KAZN: variants seen among roughly 807,000 people sequenced by gnomAD.
KAZN encodes kazrin.
In KAZN, 40 loss-of-function variants were observed where a neutral mutation model predicts 87.4. The ratio of observed to expected loss-of-function variants is 0.46; its 90% confidence interval spans 0.36 to 0.60. KAZN has a LOEUF of 0.60. KAZN is among the 20% of genes least tolerant of loss of function. The pLI is 0.00. For missense variants in KAZN, 898 were observed against 1,073.9 expected (o/e 0.84, Z 2.29); for synonymous variants, 466 against 458.3 (o/e 1.02, Z -0.22).
chr1:13,984,561 A>G (rs4661462), intron 1 of KAZN, among the ~76,000 whole-genome samples: 137,901 of 152,278 alleles, frequency 0.91, 62,753 homozygotes, highest in African/African-American at 0.96. Context: ...AACCTTGTAA[A>G]GGTGGTCATC....
At chr1:15,009,146 T>G (rs570965931) in intron 2 of KAZN, among the ~76,000 whole-genome samples, 1 of 152,284 alleles carries the variant, frequency 6.6e-6, no homozygotes, top group South Asian at 2.1e-4. Context: ...GGCAGCCTAC[T>G]GCCCGGGCAC....
chr1:14,952,240 C>CTGTGTGTGTGTGTGTGTG (rs56104480), intron 1 of KAZN, among the ~76,000 whole-genome samples: 33 of 144,012 alleles, frequency 2.3e-4, no homozygotes, highest in African/African-American at 8.7e-4. Flanking sequence ...TTCTTTCCCA[C>CTGTGTGTGTGTGTGTGTG]TGTGTGTGTG....
chr1:14,627,464 G>A (rs986559018), intron 1 of KAZN, among the ~76,000 whole-genome samples: 3 of 152,100 alleles, frequency 2.0e-5, no homozygotes, highest in African/African-American at 7.2e-5. Context: ...AGGCATGTCT[G>A]CACAGGCCTG....
chr1:14,754,153 T>G (rs1237331793), intron 1 of KAZN, among the ~76,000 whole-genome samples: 1 of 152,152 alleles, frequency 6.6e-6, no homozygotes, highest in African/African-American at 2.4e-5. Flanking sequence ...ATCTGAGTGC[T>G]AAGAGTTGGG....
intron 1 of KAZN, among the ~76,000 whole-genome samples, chr1:14,150,753 A>G (rs1282993904): frequency 3.9e-5 from 6 of 152,222 alleles, no homozygotes; most frequent in Non-Finnish European, 7.3e-5. Flanking sequence ...CCTCACTTGG[A>G]GATAACCAAA....
intron 2 of KAZN, among the ~76,000 whole-genome samples, chr1:14,287,130 G>A (rs962513258): frequency 1.3e-5 from 2 of 152,144 alleles, no homozygotes; most frequent in Non-Finnish European, 2.9e-5. Flanking sequence ...TAGGAGCCAC[G>A]GGTTAGGGAA....
Position 14,817,231 on chromosome 1 carries a change from G to A in KAZN, c.227-143453G>A, listed in dbSNP as rs187026014. 3.7e-4 allele frequency among the ~76,000 whole-genome samples: 56 copies of A among 152,178 alleles called. No homozygotes were observed. The East Asian group carries it at 7.0e-3, about 19-fold the overall frequency. ...TGTACTGTGCAGCATATATCTTGGCGACCCCCTGCCAAATATGAGCTCCAA... is the reference window on the plus strand; with the variant it reads ...TGTACTGTGCAGCATATATCTTGGCAACCCCCTGCCAAATATGAGCTCCAA... On this transcript the variant is annotated intron_variant, in intron 1 of 14. Transcript: ENST00000376030.
At chr1:14,400,807 A>C (rs1156639734) in intron 2 of KAZN, among the ~76,000 whole-genome samples, 1 of 152,236 alleles carries the variant, frequency 6.6e-6, no homozygotes, top group East Asian at 1.9e-4. Context: ...GCCCTGCCAG[A>C]TGTGACTAGA....
At chr1:13,900,116 C>T (rs1427797762) in intron 1 of KAZN, among the ~76,000 whole-genome samples, 1 of 152,032 alleles carries the variant, frequency 6.6e-6, no homozygotes, top group Non-Finnish European at 1.5e-5. Context: ...CGGTTATGTT[C>T]ATTCTCTTTC....
chr1:14,192,192 G>A (rs1463419484), intron 2 of KAZN, among the ~76,000 whole-genome samples: 1 of 152,158 alleles, frequency 6.6e-6, no homozygotes, highest in African/African-American at 2.4e-5. Flanking sequence ...ACACTCTGTG[G>A]AGTAGGCAAG....
intron 2 of KAZN, among the ~76,000 whole-genome samples, chr1:14,997,414 A>G (rs920487210): frequency 2.0e-5 from 3 of 151,436 alleles, no homozygotes; most frequent in Non-Finnish European, 4.4e-5. Flanking sequence ...CTCATTTTGT[A>G]TTTTTGGTAG....
intron 1 of KAZN, among the ~76,000 whole-genome samples, chr1:14,701,075 A>G (rs1473535249): frequency 6.6e-6 from 1 of 152,342 alleles, no homozygotes; most frequent in African/African-American, 2.4e-5. Flanking sequence ...GGCCCCCACC[A>G]TGCTCATTAG....
intron 2 of KAZN, among the ~76,000 whole-genome samples, chr1:14,394,718 T>C (rs1258205550): frequency 6.6e-6 from 1 of 152,260 alleles, no homozygotes; most frequent in Non-Finnish European, 1.5e-5. Context: ...TCCCACTGTT[T>C]CTCAGTCCTT....
At position 14,769,569 on chromosome 1, in the gene KAZN, G is replaced by T. The variant is rs905872381; in HGVS notation, c.226+170346G>T. Among the ~76,000 whole-genome samples, 1 of 152,124 alleles carries T rather than the reference G, an allele frequency of 6.6e-6. No homozygotes were observed. The highest frequency in any genetic ancestry group is 1.5e-5 in the Non-Finnish European group (1 of 68,044). ...GGGTTTCACCATGTTGGCCAGACTA[G>T]TTTCAAACTTATGACCTCAGGTGAT... is the stretch of plus-strand genomic sequence containing the variant. On this transcript the variant is annotated intron_variant, in intron 1 of 14. Transcript: ENST00000376030. This position sits in a 1 kb window ranked among gnomAD's most constrained non-coding sequence, Gnocchi z 4.1.
At chr1:14,250,574 A>T (rs555510254) in intron 2 of KAZN, among the ~76,000 whole-genome samples, 2 of 152,114 alleles carry the variant, frequency 1.3e-5, no homozygotes, top group Non-Finnish European at 2.9e-5. Context: ...GTTAAAAAAA[A>T]AGTTGATGGT....
chr1:15,066,466 A>AG lies in KAZN; in HGVS notation c.1222+717dup. On this transcript the variant is annotated intron_variant, in intron 8 of 14. Coordinates refer to ENST00000376030, the MANE Select transcript of KAZN (RefSeq NM_201628.3). This position sits in a 1 kb window ranked among gnomAD's most constrained non-coding sequence, Gnocchi z 4.3. ...CTACAAAGACTCGCGAGCCGGGCCA[A>AG]GGGGCCTTGTCTTGGCTGGGTTTGT... 4 of 985,452 alleles carry AG rather than the reference A, an allele frequency of 4.1e-6. No homozygotes were observed. Among genetic ancestry groups the AG allele is most frequent in the Non-Finnish European group, 4.8e-6 (4 of 829,944 alleles). 61.0% of individuals were successfully genotyped at this position (985,452 alleles called of 1,614,324 possible).
At chr1:14,503,537 G>T (rs1670384820) in intron 2 of KAZN, among the ~76,000 whole-genome samples, 1 of 147,380 alleles carries the variant, frequency 6.8e-6, no homozygotes, top group Non-Finnish European at 1.5e-5. Context: ...GCATATCCTG[G>T]CTATACTAGA....
rs369927170 is a variant in KAZN at position 14,144,848 on chromosome 1, AAC to A, written c.92-35583_92-35582del. On this transcript the variant is annotated intron_variant, in intron 1 of 16. Transcript: ENST00000636203. ...AACAACCAGCACTCTTGCAGGAACT[AAC>A]ACAGTGAGAACACACTCACCCCACA... Among the ~76,000 whole-genome samples, 33 of 152,258 alleles carry A rather than the reference AAC, an allele frequency of 2.2e-4. 1 individual carries two copies. The highest frequency in any genetic ancestry group is 7.5e-4 in the African/African-American group (31 of 41,538).
intron 8 of KAZN, among the ~76,000 whole-genome samples, chr1:15,078,537 T>C (rs1187279017): frequency 6.6e-6 from 1 of 152,240 alleles, no homozygotes. Context: ...CTTTGTTCTC[T>C]AATTTCCAGA....
Sources: gnomAD v4.1 joint callset for allele counts (sites outside exome capture counted in the v4.1 genomes callset) on GRCh38, gnomAD v4.1.1 for gene constraint, Gnocchi (gnomAD v3.1) non-coding constraint, MANE v1.5 for transcripts, NCBI Gene and HGNC (gene_info 2026-07-23, HGNC 2026-07-21) for gene names.